Variants in DAB1 observed in about 807,000 individuals in gnomAD.
DAB1 encodes disabled homolog 1.
In DAB1, 15 loss-of-function variants were observed where a neutral mutation model predicts 64.6. The observed-to-expected ratio is 0.23, with a 90% CI of 0.16 to 0.36. DAB1 has a LOEUF of 0.36. Among genes scored for constraint, DAB1 ranks in the 10% least tolerant of loss-of-function variants. DAB1 has a pLI of 1.00. For missense variants in DAB1, 596 were observed against 706.7 expected (o/e 0.84, Z 1.78); for synonymous variants, 235 against 251.9 (o/e 0.93, Z 0.64).
At chr1:58,424,899 T>G (rs1439700785) in intron 3 of DAB1, among the ~76,000 whole-genome samples, 1 of 151,832 alleles carries the variant, frequency 6.6e-6, no homozygotes, top group Non-Finnish European at 1.5e-5. Context: ...TGTCATTTGG[T>G]GAGGTGGTGT....
chr1:58,385,934 G>A (rs771907082), intron 3 of DAB1, among the ~76,000 whole-genome samples: 1 of 152,176 alleles, frequency 6.6e-6, no homozygotes, highest in Non-Finnish European at 1.5e-5. Context: ...TAGCCCTTAA[G>A]ATCTGACTGA....
At chr1:57,718,134 G>A (rs1249679439) in intron 6 of DAB1, among the ~76,000 whole-genome samples, 1 of 152,044 alleles carries the variant, frequency 6.6e-6, no homozygotes, top group Non-Finnish European at 1.5e-5. Flanking sequence ...TATATTTCAA[G>A]TTAGCTAGAA....
At chr1:58,200,609 T>C (rs192895607) in intron 4 of DAB1, among the ~76,000 whole-genome samples, 224 of 152,284 alleles carry the variant, frequency 1.5e-3, no homozygotes, top group African/African-American at 4.9e-3. Flanking sequence ...CATGATTATA[T>C]AAATCACTCA....
chr1:57,796,847 G>A (rs1447661119), intron 6 of DAB1, among the ~76,000 whole-genome samples: 1 of 152,020 alleles, frequency 6.6e-6, no homozygotes, highest in East Asian at 1.9e-4. Flanking sequence ...CTTTCTACTG[G>A]CTATAGATCC....
chr1:57,405,021 G>A (rs1370137570), intron 1 of DAB1, among the ~76,000 whole-genome samples: 1 of 152,188 alleles, frequency 6.6e-6, no homozygotes, highest in East Asian at 1.9e-4. Context: ...TTTGAAATGT[G>A]CATATTTTAG....
intron 4 of DAB1, among the ~76,000 whole-genome samples, chr1:57,104,897 G>A (rs1655002353): frequency 6.6e-6 from 1 of 152,126 alleles, no homozygotes; most frequent in African/African-American, 2.4e-5. Context: ...CAGAGAGAAG[G>A]TGGGGCCCCC....
At chr1:58,307,958 G>A (rs1378488631) in intron 4 of DAB1, among the ~76,000 whole-genome samples, 2 of 152,056 alleles carry the variant, frequency 1.3e-5, no homozygotes, top group East Asian at 3.9e-4. Context: ...TCACGGAGAG[G>A]TCCACAGAGG....
At chr1:58,045,267 C>T (rs143739675) in intron 5 of DAB1, among the ~76,000 whole-genome samples, 11 of 152,292 alleles carry the variant, frequency 7.2e-5, no homozygotes, top group East Asian at 3.9e-4. Flanking sequence ...CCCACTCCGA[C>T]GGGTCTGCTG....
chr1:57,035,177 A>G (rs1204703987), intron 9 of DAB1, among the ~76,000 whole-genome samples: 1 of 152,182 alleles, frequency 6.6e-6, no homozygotes, highest in Non-Finnish European at 1.5e-5. Flanking sequence ...GGTTAAGGTT[A>G]TGTCGCTACA....
intron 2 of DAB1, among the ~76,000 whole-genome samples, chr1:57,217,538 A>T (rs1262263377): frequency 6.6e-6 from 1 of 152,236 alleles, no homozygotes; most frequent in African/African-American, 2.4e-5. Flanking sequence ...AGAGAAGCTT[A>T]TCACTGAAAC....
chr1:57,842,548 G>A (rs574971774), intron 1 of DAB1, among the ~76,000 whole-genome samples: 1 of 152,218 alleles, frequency 6.6e-6, no homozygotes, highest in African/African-American at 2.4e-5. Context: ...AAGTCTAATT[G>A]GCTCACAGTT....
intron 7 of DAB1, among the ~76,000 whole-genome samples, chr1:57,529,337 A>G (rs1644633953): frequency 6.6e-6 from 1 of 152,102 alleles, no homozygotes; most frequent in African/African-American, 2.4e-5. Context: ...GAAACAGAAC[A>G]ATAAAAAACA....
At chr1:58,537,457 T>G (rs1048021900) in intron 1 of DAB1, among the ~76,000 whole-genome samples, 1 of 152,190 alleles carries the variant, frequency 6.6e-6, no homozygotes, top group Non-Finnish European at 1.5e-5. Flanking sequence ...AAAGGAGAGA[T>G]AACAAGATCC....
intron 1 of DAB1, chr1:58,534,373 C>G (rs375166922): frequency 1.4e-4 from 106 of 784,850 alleles, no homozygotes; most frequent in Non-Finnish European, 1.9e-4. Flanking sequence ...AAGAGCACTA[C>G]AAAATGCTTA....
intron 5 of DAB1, chr1:58,049,081 C>T (rs1647446330): frequency 1.3e-6 from 1 of 790,994 alleles, no homozygotes; most frequent in Non-Finnish European, 2.2e-6. Flanking sequence ...GCATTTGTGG[C>T]TGCATCCACC....
intron 13 of DAB1, 88 bp from the exon 14 acceptor site, chr1:57,010,878 A>C (rs1646245433): frequency 4.7e-6 from 5 of 1,055,502 alleles, no homozygotes; most frequent in Non-Finnish European, 6.8e-6. Context: ...CATGCAGCAC[A>C]ATCAGTTATT....
At chr1:58,218,999 C>CTT (rs1486710270) in intron 4 of DAB1, among the ~76,000 whole-genome samples, 1 of 109,668 alleles carries the variant, frequency 9.1e-6, no homozygotes, top group Non-Finnish European at 1.9e-5. Context: ...TTCTCTCTCT[C>CTT]TCTCTCTCTC....
chr1:58,230,909 A>T (rs1271445242), intron 4 of DAB1, among the ~76,000 whole-genome samples: 2 of 152,218 alleles, frequency 1.3e-5, no homozygotes, highest in Admixed American at 6.5e-5. Flanking sequence ...TAAGGCCGTG[A>T]GTTCTGGAGC....
intron 2 of DAB1, among the ~76,000 whole-genome samples, chr1:57,237,935 G>A (rs72921369): frequency 3.9e-5 from 6 of 152,236 alleles, no homozygotes; most frequent in African/African-American, 1.4e-4. Flanking sequence ...CAAAGAACGA[G>A]AAAAGACAAA....
Sources: gnomAD v4.1 joint callset for allele counts (sites outside exome capture counted in the v4.1 genomes callset) on GRCh38, gnomAD v4.1.1 for gene constraint, MANE v1.5 for transcripts, NCBI Gene and HGNC (gene_info 2026-07-23, HGNC 2026-07-21) for gene names.